The following MECOM variants were observed in gnomAD, a reference collection of about 807,000 sequenced individuals.
MECOM encodes histone-lysine N-methyltransferase MECOM.
MECOM carries 13 observed loss-of-function variants against 116.3 expected under a neutral mutation model. The ratio of observed to expected loss-of-function variants is 0.11; its 90% CI spans 0.07 to 0.18. The LOEUF (loss-of-function observed/expected upper bound fraction) is 0.18, where lower values mean the gene tolerates loss of function less well. MECOM is among the 10% of genes least tolerant of loss of function. MECOM has a pLI of 1.00. For synonymous variants in MECOM, 528 were observed against 535.2 expected (o/e 0.99, Z 0.19); for missense variants, 1,299 against 1,509.0 (o/e 0.86, Z 2.31).
Position 169,143,779 on chromosome 3 carries a change from A to G in MECOM, c.429T>C (p.Asp143=). The G allele has an allele frequency of 6.2e-7, 1 of 1,611,952 alleles. No homozygotes were observed. The highest frequency in any genetic ancestry group is 8.5e-7 in the Non-Finnish European group (1 of 1,178,962). The change falls in exon 3 of 17, where the codon GAT becomes GAC. Residue 143 remains aspartate, a synonymous_variant. Coordinates refer to ENST00000651503, the MANE Select transcript of MECOM (RefSeq NM_004991.4). The stretch of plus-strand genomic sequence containing the variant: ...TAATGTACTTGAGCCAGCTTCCAAC[A>G]TCTGGTTGACTGGCATCTATGCAGA... ...VKFCIDASQP[D]VGSWLKYIRF...
At chr3:169,120,195 G>A (rs916100697) in intron 7 of MECOM, among the ~76,000 whole-genome samples, 7 of 152,102 alleles carry the variant, frequency 4.6e-5, no homozygotes, top group East Asian at 1.9e-4. Flanking sequence ...TATATGCCCC[G>A]CCAAGCAATG....
At chr3:169,410,563 G>A (rs1402582186) in intron 1 of MECOM, among the ~76,000 whole-genome samples, 3 of 151,794 alleles carry the variant, frequency 2.0e-5, no homozygotes, top group Non-Finnish European at 4.4e-5. Context: ...GTGAAATCCA[G>A]CATGAGTAAT....
At chr3:169,601,979 A>C (rs1482509972) in intron 1 of MECOM, among the ~76,000 whole-genome samples, 2 of 152,206 alleles carry the variant, frequency 1.3e-5, no homozygotes, top group Non-Finnish European at 2.9e-5. Flanking sequence ...TGAAATTTGC[A>C]CTTTCCTATA....
At chr3:169,165,290 C>T (rs1743415115) in intron 2 of MECOM, among the ~76,000 whole-genome samples, 1 of 152,044 alleles carries the variant, frequency 6.6e-6, no homozygotes, top group African/African-American at 2.4e-5. Flanking sequence ...CATGAAAATG[C>T]ACTAAGAAAA....
chr3:169,451,021 G>C (rs1247157784), intron 1 of MECOM, among the ~76,000 whole-genome samples: 1 of 152,036 alleles, frequency 6.6e-6, no homozygotes, highest in Non-Finnish European at 1.5e-5. Context: ...CACTCAAACT[G>C]GTTCAAGTTA....
chr3:169,382,807 C>T (rs913135410), intron 1 of MECOM, among the ~76,000 whole-genome samples: 4 of 134,734 alleles, frequency 3.0e-5, no homozygotes, highest in Non-Finnish European at 6.1e-5. Flanking sequence ...ATGATTGTGT[C>T]ACTGCTGCAC....
chr3:169,332,388 T>C (rs1263133791), intron 2 of MECOM, among the ~76,000 whole-genome samples: 2 of 152,120 alleles, frequency 1.3e-5, no homozygotes, highest in African/African-American at 4.8e-5. Flanking sequence ...CTTGTAATAT[T>C]AATTCCCTGA....
intron 1 of MECOM, among the ~76,000 whole-genome samples, chr3:169,562,389 T>G (rs1576890915): frequency 6.6e-6 from 1 of 152,002 alleles, no homozygotes; most frequent in Non-Finnish European, 1.5e-5. Context: ...CTGCTTCTAC[T>G]TGCTGTGAGG....
chr3:169,535,458 C>T (rs1276884128), intron 1 of MECOM, among the ~76,000 whole-genome samples: 1 of 152,118 alleles, frequency 6.6e-6, no homozygotes, highest in Non-Finnish European at 1.5e-5. Context: ...AGCCTCAGCC[C>T]TTACTTTCAA....
At chr3:169,244,886 A>G (rs1047658262) in intron 2 of MECOM, among the ~76,000 whole-genome samples, 1 of 152,230 alleles carries the variant, frequency 6.6e-6, no homozygotes, top group African/African-American at 2.4e-5. Context: ...GTCTTAAACT[A>G]TTTAAGGAGT....
At chr3:169,487,208 T>C (rs1752486480) in intron 1 of MECOM, among the ~76,000 whole-genome samples, 1 of 152,136 alleles carries the variant, frequency 6.6e-6, no homozygotes, top group Non-Finnish European at 1.5e-5. Context: ...AAGAATAATA[T>C]TGAACCCGGA....
At chr3:169,210,113 C>G (rs1179034218) in intron 2 of MECOM, among the ~76,000 whole-genome samples, 2 of 152,056 alleles carry the variant, frequency 1.3e-5, no homozygotes, top group Non-Finnish European at 1.5e-5. Flanking sequence ...GAACAGAAAG[C>G]CAAACACCAC....
intron 5 of MECOM, among the ~76,000 whole-genome samples, chr3:169,127,598 T>C (rs1297227690): frequency 6.6e-6 from 1 of 152,174 alleles, no homozygotes; most frequent in Non-Finnish European, 1.5e-5. Flanking sequence ...CTTCAGTTTT[T>C]AATAACACTA....
chr3:169,651,305 T>C (rs908562105), intron 1 of MECOM, among the ~76,000 whole-genome samples: 2 of 152,216 alleles, frequency 1.3e-5, no homozygotes, highest in Non-Finnish European at 2.9e-5. Flanking sequence ...GTTTATGTAG[T>C]GTATCATATT....
chr3:169,183,110 G>A (rs1200435499), intron 2 of MECOM, among the ~76,000 whole-genome samples: 1 of 152,126 alleles, frequency 6.6e-6, no homozygotes, highest in Non-Finnish European at 1.5e-5. Context: ...TCTCTCATGA[G>A]GTAATGCAAG....
chr3:169,305,572 T>C (rs1198549265), intron 2 of MECOM, among the ~76,000 whole-genome samples: 1 of 152,196 alleles, frequency 6.6e-6, no homozygotes, highest in African/African-American at 2.4e-5. Flanking sequence ...GGTAAACTTA[T>C]GCAAGAAATA....
intron 2 of MECOM, among the ~76,000 whole-genome samples, chr3:169,316,812 C>T (rs1719826395): frequency 6.6e-6 from 1 of 152,164 alleles, no homozygotes; most frequent in African/African-American, 2.4e-5. Context: ...CTTGGCCTCC[C>T]AAATTGCAGG....
intron 2 of MECOM, chr3:169,146,530 G>C (rs1236928784): frequency 7.3e-7 from 1 of 1,378,540 alleles, no homozygotes; most frequent in Non-Finnish European, 9.6e-7. Context: ...CGTTTCGCAG[G>C]AGGAACAAGG....
intron 2 of MECOM, among the ~76,000 whole-genome samples, chr3:169,235,165 T>G (rs1293362494): frequency 6.6e-6 from 1 of 152,216 alleles, no homozygotes; most frequent in Non-Finnish European, 1.5e-5. Flanking sequence ...CTGACTTCTA[T>G]TATCATCAAT....
Sources: gnomAD v4.1 joint callset for allele counts (sites outside exome capture counted in the v4.1 genomes callset) on GRCh38, gnomAD v4.1.1 for gene constraint, MANE v1.5 for transcripts, NCBI Gene and HGNC (gene_info 2026-07-23, HGNC 2026-07-21) for gene names.